The following ARSK variants were observed in gnomAD, a reference collection of about 807,000 sequenced individuals.
ARSK encodes the protein arylsulfatase family member K.
Under a neutral mutation model 53.2 loss-of-function variants are expected in ARSK, and 37 were observed. The observed-to-expected ratio is 0.70, with a 90% CI of 0.54 to 0.92. The LOEUF is 0.92. Among genes scored for constraint, ARSK ranks in the 40% least tolerant of loss-of-function variants. The pLI is 0.00. For synonymous variants in ARSK, 208 were observed against 223.2 expected (o/e 0.93, Z 0.61); for missense variants, 613 against 643.0 (o/e 0.95, Z 0.51).
At position 95,583,008 on chromosome 5, in the gene ARSK, T is replaced by C. The variant is rs1332823816; in HGVS notation, c.509T>C (p.Val170Ala). 1 of 1,613,724 alleles carries C rather than the reference T, an allele frequency of 6.2e-7. No individual in the cohort carries two copies. The highest frequency in any genetic ancestry group is 2.2e-5 in the East Asian group (1 of 44,874). ...AATCTTATCCGTAACAGGACTAAAG[T>C]CAGAGTGATGGAAAGGGATTGGCAG... ...MVNLIRNRTK[V>A]RVMERDWQNT... Residue 170 changes from valine to alanine, a missense_variant, in exon 4 of 8, where the codon GTC becomes GCC. Transcript: ENST00000380009.
chr5:95,597,755 G>A (rs189895008), intron 6 of ARSK, among the ~76,000 whole-genome samples: 6 of 152,094 alleles, frequency 3.9e-5, no homozygotes, highest in East Asian at 1.9e-4. Context: ...TCAGCCAGGC[G>A]TGGTGATGTG....
intron 5 of ARSK, 99 bp downstream of exon 5, chr5:95,586,832 C>T (rs1399489668): frequency 9.6e-7 from 1 of 1,036,342 alleles, no homozygotes; most frequent in Admixed American, 3.0e-5. Context: ...TACAAAGTTG[C>T]TTATAACTAT....
rs76271356 is a variant in ARSK, at chr5:95,579,686, A to G, written c.417-3230A>G. ...AGATTCACAAATTGTGAATATCTTTATCAGAAATGTGTGATGATTATTTGT... is the reference window on the plus strand; with the variant it reads ...AGATTCACAAATTGTGAATATCTTTGTCAGAAATGTGTGATGATTATTTGT... On this transcript the variant is annotated intron_variant, in intron 3 of 7. Coordinates refer to ENST00000380009, the MANE Select transcript of ARSK (RefSeq NM_198150.3). Among the ~76,000 whole-genome samples, 536 of 152,346 alleles carry G rather than the reference A, an allele frequency of 3.5e-3. 5 individuals carry two copies. Among genetic ancestry groups the G allele is most frequent in the African/African-American group, 0.012 (511 of 41,580 alleles).
chr5:95,594,781 A>C (rs1459333000), intron 6 of ARSK, among the ~76,000 whole-genome samples: 3 of 152,110 alleles, frequency 2.0e-5, no homozygotes, highest in African/African-American at 7.2e-5. Flanking sequence ...CGGAGCTTGC[A>C]ATGAGCCAAG....
At chr5:95,579,630 A>G (rs1748989779) in intron 3 of ARSK, among the ~76,000 whole-genome samples, 1 of 152,218 alleles carries the variant, frequency 6.6e-6, no homozygotes, top group Non-Finnish European at 1.5e-5. Context: ...GCAAGGATAT[A>G]AAGAACTGGA....
chr5:95,597,530 T>A (rs1351778268), intron 6 of ARSK, among the ~76,000 whole-genome samples: 1 of 152,224 alleles, frequency 6.6e-6, no homozygotes, highest in African/African-American at 2.4e-5. Context: ...AACCCCTCTT[T>A]ACTCGTTACC....
At chr5:95,564,296 C>T (rs142764827) in intron 1 of ARSK, among the ~76,000 whole-genome samples, 6 of 152,098 alleles carry the variant, frequency 3.9e-5, no homozygotes, top group Admixed American at 6.5e-5. Context: ...CTTTTGTCTT[C>T]GCCTTTCTAG....
At chr5:95,572,181 C>G (rs1333225241) in intron 3 of ARSK, among the ~76,000 whole-genome samples, 1 of 152,100 alleles carries the variant, frequency 6.6e-6, no homozygotes. Flanking sequence ...ACTAGGATCG[C>G]TATGGGCTGC....
intron 6 of ARSK, among the ~76,000 whole-genome samples, chr5:95,593,817 TC>T (rs397883325): frequency 9.9e-5 from 15 of 152,090 alleles, no homozygotes; most frequent in East Asian, 3.9e-4. Flanking sequence ...TAGGTTTTTT[TC>T]CTGCAATTTG....
At chr5:95,560,280 C>T (rs2112409934) in intron 1 of ARSK, among the ~76,000 whole-genome samples, 1 of 151,170 alleles carries the variant, frequency 6.6e-6, no homozygotes, top group South Asian at 2.1e-4. Context: ...AGATTCAATT[C>T]AATGCCTGTC....
Position 95,603,462 on chromosome 5 carries a change from C to G in ARSK, c.1547C>G (p.Pro516Arg). 1 of 1,612,668 alleles carries G rather than the reference C, an allele frequency of 6.2e-7. No homozygotes were observed. Among genetic ancestry groups the G allele is most frequent in the Non-Finnish European group, 8.5e-7 (1 of 1,179,534 alleles). The change falls in exon 8 of 8, where the codon CCA becomes CGA. Residue 516 changes from proline (P) to arginine (R), a missense_variant. Pro to Arg is a moderately radical substitution (Grantham distance 103). Transcript: ENST00000380009. The stretch of plus-strand genomic sequence containing the variant: ...TGGCACCAAGACTGGCAGAAGGAAC[C>G]AAGGAAGTATGAAAATGCAATTGAT... ...LRWHQDWQKE[P>R]RKYENAIDQW...
intron 4 of ARSK, 41 bp from the exon 5 acceptor site, chr5:95,586,521 C>T: frequency 6.7e-7 from 1 of 1,502,806 alleles, no homozygotes; most frequent in Non-Finnish European, 9.1e-7. Flanking sequence ...AGAAATAGCA[C>T]TATTTTGCTA....
intron 1 of ARSK, among the ~76,000 whole-genome samples, chr5:95,559,090 C>G (rs1243771691): frequency 1.3e-5 from 2 of 152,088 alleles, no homozygotes; most frequent in South Asian, 4.1e-4. Context: ...TGCAGTGAGC[C>G]GAGACGTGCC....
At chr5:95,602,993 T>G (rs1749429107) in intron 7 of ARSK, among the ~76,000 whole-genome samples, 1 of 152,052 alleles carries the variant, frequency 6.6e-6, no homozygotes, top group African/African-American at 2.4e-5. Context: ...TTTCTGGCAT[T>G]TAAGAAAAGA....
At chr5:95,579,526 A>G (rs1222858039) in intron 3 of ARSK, among the ~76,000 whole-genome samples, 2 of 152,124 alleles carry the variant, frequency 1.3e-5, no homozygotes, top group South Asian at 2.1e-4. Context: ...TTCAATTACA[A>G]TGAGTCCCAT....
At chr5:95,599,522 G>T (rs1749363228) in intron 6 of ARSK, among the ~76,000 whole-genome samples, 1 of 152,028 alleles carries the variant, frequency 6.6e-6, no homozygotes, top group Admixed American at 6.6e-5. Context: ...CTGTGTCTTG[G>T]AGCACAGTTA....
At chr5:95,578,298 C>T (rs1748961292) in intron 3 of ARSK, among the ~76,000 whole-genome samples, 1 of 151,578 alleles carries the variant, frequency 6.6e-6, no homozygotes. Context: ...ACCACAGGCA[C>T]ATACCGCCAT....
intron 3 of ARSK, among the ~76,000 whole-genome samples, chr5:95,571,002 G>A (rs951522334): frequency 2.0e-5 from 3 of 152,142 alleles, no homozygotes; most frequent in South Asian, 2.1e-4. Context: ...AGGCTGTTCT[G>A]GAACTCCTGA....
rs10068869 is a variant in ARSK at position 95,599,777 on chromosome 5, A to T, written c.1097-1070A>T. On this transcript the variant is annotated intron_variant, in intron 6 of 7. Transcript: ENST00000380009. ...TATATGAAACAACTACCTTCAGAAG[A>T]TTTATAGCGGTCTTCATCTACTTCC... Among the ~76,000 whole-genome samples the T allele has an allele frequency of 4.4e-3, 666 of 152,284 alleles. 4 individuals carry two copies. Among genetic ancestry groups the T allele is most frequent in the African/African-American group, 0.015 (620 of 41,560 alleles).
Sources: allele counts gnomAD v4.1 joint callset (sites outside exome capture counted in the v4.1 genomes callset), GRCh38; gene constraint gnomAD v4.1.1; transcripts MANE v1.5; gene names NCBI Gene and HGNC (gene_info 2026-07-23, HGNC 2026-07-21).